MYO3B: variants seen among roughly 807,000 people sequenced by gnomAD.
MYO3B encodes myosin IIIB.
Under a neutral mutation model 174.6 loss-of-function variants are expected in MYO3B, and 156 were observed. The ratio of observed to expected loss-of-function variants is 0.89; its 90% CI spans 0.78 to 1.02. The LOEUF (loss-of-function observed/expected upper bound fraction) is 1.02, where lower values mean the gene tolerates loss of function less well. Among genes scored for constraint, MYO3B ranks in the 50% least tolerant of loss-of-function variants. MYO3B has a pLI of 0.00. For missense variants in MYO3B, 1,632 were observed against 1,639.4 expected (o/e 1.00, Z 0.08); for synonymous variants, 563 against 569.1 (o/e 0.99, Z 0.15).
intron 30 of MYO3B, among the ~76,000 whole-genome samples, chr2:170,531,628 G>A (rs1689358652): frequency 6.6e-6 from 1 of 152,224 alleles, no homozygotes; most frequent in African/African-American, 2.4e-5. Flanking sequence ...TCCACTTTAA[G>A]TCATCCTTAG....
intron 25 of MYO3B, among the ~76,000 whole-genome samples, chr2:170,474,743 CAAAAAAAAAAAAAAAAAAAAAAAAAAAAA>C (rs55913448): frequency 5.3e-5 from 2 of 37,580 alleles, no homozygotes; most frequent in Admixed American, 4.4e-4. Context: ...AACTCCGTCT[CAAAAAAAAAAAAAAAAAAAAAAAAAAAAA>C]AAAAAAAAAA....
At chr2:170,383,372 CT>C (rs1436225806) in intron 11 of MYO3B, among the ~76,000 whole-genome samples, 183 bp downstream of exon 11, 1 of 152,178 alleles carries the variant, frequency 6.6e-6, no homozygotes, top group Non-Finnish European at 1.5e-5. Flanking sequence ...TTAAAGCAAA[CT>C]ATAGCAATAA....
intron 16 of MYO3B, among the ~76,000 whole-genome samples, chr2:170,394,804 C>G (rs933107118): frequency 6.6e-6 from 1 of 152,180 alleles, no homozygotes; most frequent in African/African-American, 2.4e-5. Context: ...TAACTCAGTT[C>G]ACTTCATGTT....
intron 7 of MYO3B, among the ~76,000 whole-genome samples, chr2:170,326,246 A>T (rs978251023): frequency 3.3e-5 from 5 of 152,128 alleles, no homozygotes; most frequent in African/African-American, 1.2e-4. Flanking sequence ...ACCCATGTAA[A>T]CAGTCCAGAA....
intron 32 of MYO3B, among the ~76,000 whole-genome samples, chr2:170,594,320 G>A (rs966545723): frequency 2.6e-5 from 4 of 152,116 alleles, no homozygotes; most frequent in Admixed American, 2.6e-4. Flanking sequence ...AGTATCGTCA[G>A]TGCATGGCGA....
chr2:170,456,195 A>T (rs575865748), intron 23 of MYO3B, among the ~76,000 whole-genome samples: 24 of 151,972 alleles, frequency 1.6e-4, no homozygotes, highest in Non-Finnish European at 2.9e-4. Flanking sequence ...ATTTTAGGGG[A>T]ATTTAATGGC....
chr2:170,581,975 A>G (rs191897739), intron 32 of MYO3B, among the ~76,000 whole-genome samples: 1 of 152,342 alleles, frequency 6.6e-6, no homozygotes, highest in Non-Finnish European at 1.5e-5. Flanking sequence ...GTTGAGGATC[A>G]CCTTAATGTA....
chr2:170,395,555 G>A (rs930757623), intron 16 of MYO3B, among the ~76,000 whole-genome samples: 1 of 152,166 alleles, frequency 6.6e-6, no homozygotes, highest in African/African-American at 2.4e-5. Context: ...GATTATATGT[G>A]AAAATATGAC....
At chr2:170,564,859 G>C (rs1032553206) in intron 32 of MYO3B, among the ~76,000 whole-genome samples, 2 of 151,974 alleles carry the variant, frequency 1.3e-5, no homozygotes, top group African/African-American at 4.8e-5. Flanking sequence ...AATAACCTAA[G>C]GTTCTGCTGC....
At chr2:170,452,642 G>A (rs756053804) in intron 23 of MYO3B, among the ~76,000 whole-genome samples, 2 of 152,038 alleles carry the variant, frequency 1.3e-5, no homozygotes, top group African/African-American at 2.4e-5. Context: ...TTCTACCACA[G>A]GTAAGCTCCC....
chr2:170,619,546 C>T (rs376973716), intron 32 of MYO3B, among the ~76,000 whole-genome samples: 8 of 151,988 alleles, frequency 5.3e-5, no homozygotes, highest in South Asian at 2.1e-4. Context: ...AGTTTGGGGA[C>T]GAGGGTTGGG....
rs536880793 is a variant in MYO3B, at chr2:170,333,493, G to A, written c.750-1892G>A. Among the ~76,000 whole-genome samples the A allele has an allele frequency of 9.2e-5, 14 of 152,244 alleles. No individual in the cohort carries two copies. In the South Asian group the frequency reaches 1.2e-3, roughly 14 times the overall value. On this transcript the variant is annotated intron_variant, in intron 7 of 34. Transcript: ENST00000408978. ...TAAGATATGAAGGGTAACTAAATTC[G>A]TATGCAGAACAGATAAATCATCTCC... is the stretch of plus-strand genomic sequence containing the variant.
chr2:170,554,302 T>C (rs1178668806), intron 32 of MYO3B, among the ~76,000 whole-genome samples: 1 of 152,188 alleles, frequency 6.6e-6, no homozygotes, highest in East Asian at 1.9e-4. Context: ...CCAAGATTGA[T>C]CATAGTGCCC....
chr2:170,460,046 C>G (rs574989340), intron 23 of MYO3B, among the ~76,000 whole-genome samples: 1 of 152,248 alleles, frequency 6.6e-6, no homozygotes, highest in South Asian at 2.1e-4. Flanking sequence ...CAGCTCCGCC[C>G]TCGGCCAGCC....
chr2:170,337,425 T>C (rs2093952942), intron 8 of MYO3B, among the ~76,000 whole-genome samples: 1 of 152,160 alleles, frequency 6.6e-6, no homozygotes, highest in Admixed American at 6.6e-5. Flanking sequence ...CATACCAAAC[T>C]CTCCTGATGC....
chr2:170,470,760 A>G (rs1000206423), intron 25 of MYO3B, among the ~76,000 whole-genome samples: 1 of 152,068 alleles, frequency 6.6e-6, no homozygotes, highest in Non-Finnish European at 1.5e-5. Flanking sequence ...TTTTTATTTT[A>G]GTCATTCTAG....
chr2:170,449,732 G>A (rs776413762), intron 23 of MYO3B, among the ~76,000 whole-genome samples: 23 of 151,682 alleles, frequency 1.5e-4, no homozygotes, highest in Admixed American at 6.6e-5. Context: ...AGCTGAGATC[G>A]CGCCGTTGCA....
In MYO3B at chr2:170,654,043, AACT is replaced by A. The variant is rs1220869704; in HGVS notation, c.*924_*926del. On this transcript the variant is annotated 3_prime_UTR_variant, in exon 35 of 35. Coordinates refer to ENST00000408978, the MANE Select transcript of MYO3B (RefSeq NM_138995.5). ...GAATGGAGAATACATGGAGAAACTT[AACT>A]AAGTTACACAAGCATATCTGACAGG... is the stretch of plus-strand genomic sequence containing the variant. 2.0e-5 allele frequency: 3 copies of A among 151,970 alleles called. No individual in the cohort carries two copies. The highest frequency in any genetic ancestry group is 7.3e-5 in the African/African-American group (3 of 41,256). 9.4% of individuals were successfully genotyped at this position (151,970 alleles called of 1,614,324 possible).
intron 23 of MYO3B, among the ~76,000 whole-genome samples, chr2:170,450,252 TA>T (rs1274709708): frequency 6.6e-6 from 1 of 152,212 alleles, no homozygotes. Context: ...GTGTGATTTT[TA>T]TATAAGAAAG....
Sources: gnomAD v4.1 joint callset for allele counts (sites outside exome capture counted in the v4.1 genomes callset) on GRCh38, gnomAD v4.1.1 for gene constraint, MANE v1.5 for transcripts, NCBI Gene and HGNC (gene_info 2026-07-23, HGNC 2026-07-21) for gene names.